The following BUD31 variants were observed in gnomAD, a reference collection of about 807,000 sequenced individuals.
BUD31 encodes BUD31 spliceosome associated protein.
BUD31 carries 9 observed loss-of-function variants against 17.9 expected under a neutral mutation model. That is an observed-to-expected ratio of 0.50 (90% confidence interval 0.30 to 0.88). BUD31 has a LOEUF of 0.88. Ranked by LOEUF, BUD31 falls within the 40% of genes least tolerant of loss-of-function variation. The pLI is 0.06. For missense variants in BUD31, 148 were observed against 184.5 expected (o/e 0.80, Z 1.15); for synonymous variants, 70 against 64.7 (o/e 1.08, Z -0.39).
intron 3 of BUD31, among the ~76,000 whole-genome samples, chr7:99,412,621 T>A (rs1223479971): frequency 1.3e-5 from 2 of 150,952 alleles, no homozygotes; most frequent in African/African-American, 4.9e-5. Flanking sequence ...TTTTCTTTTT[T>A]TTTTTTTTGA....
At chr7:99,411,314 C>A in intron 3 of BUD31, 128 bp downstream of exon 3, 1 of 654,278 alleles carries the variant, frequency 1.5e-6, no homozygotes, top group Non-Finnish European at 2.6e-6. Context: ...GTTGTGTTTG[C>A]TTATGAACTT....
chr7:99,410,369 C>G (rs1795128400), intron 2 of BUD31, among the ~76,000 whole-genome samples, 200 bp downstream of exon 2: 1 of 151,740 alleles, frequency 6.6e-6, no homozygotes, highest in South Asian at 2.1e-4. Flanking sequence ...CAGGCACCCA[C>G]CACCATGCTC....
chr7:99,416,087 C>A (rs756706880), intron 3 of BUD31, 51 bp from the exon 4 acceptor site: 4 of 1,599,042 alleles, frequency 2.5e-6, no homozygotes, highest in Non-Finnish European at 3.4e-6. Context: ...AAAAGAAAAT[C>A]CTGCGCAGAC....
At chr7:99,416,017 A>G (rs1795428362) in intron 3 of BUD31, 121 bp from the exon 4 acceptor site, 1 of 1,418,388 alleles carries the variant, frequency 7.1e-7, no homozygotes, top group Non-Finnish European at 9.4e-7. Flanking sequence ...GTGGCTTGCC[A>G]CCCACAGCCA....
At chr7:99,418,700 G>T (rs1004388) in intron 5 of BUD31, 2,060 of 152,566 alleles carry the variant, frequency 0.014, 22 homozygotes, top group Non-Finnish European at 0.019. Flanking sequence ...TGAGTGCCCA[G>T]ATTCCACAAG....
intron 5 of BUD31, chr7:99,418,302 G>A (rs1795621736): frequency 6.2e-6 from 1 of 162,462 alleles, no homozygotes; most frequent in African/African-American, 2.4e-5. Context: ...TCTGTTCCAA[G>A]TACCACTCCT....
chr7:99,413,572 T>G (rs766277107), intron 3 of BUD31, among the ~76,000 whole-genome samples: 55 of 152,030 alleles, frequency 3.6e-4, no homozygotes, highest in Non-Finnish European at 7.5e-4. Flanking sequence ...CCAAGGTTGG[T>G]TTTTTGGCTT....
chr7:99,409,970 TA>T (rs1795112723), intron 1 of BUD31, 63 bp from the exon 2 acceptor site: 7 of 152,184 alleles, frequency 4.6e-5, no homozygotes, highest in Admixed American at 4.6e-4. Flanking sequence ...TGACTTTATG[TA>T]ATATGTTGTT....
chr7:99,418,014 C>T, intron 5 of BUD31: 1 of 1,158,582 alleles, frequency 8.6e-7, no homozygotes, highest in Non-Finnish European at 1.1e-6. Context: ...GTCGCCCAGG[C>T]TGGAGTGCAG....
rs1309784029 is a variant in BUD31 at position 99,410,127 on chromosome 7, G to C, written c.-72G>C. 6.6e-6 allele frequency: 1 copy of C among 152,134 alleles called. No individual in the cohort carries two copies. The highest frequency in any genetic ancestry group is 1.5e-5 in the Non-Finnish European group (1 of 67,990). 9.4% of individuals were successfully genotyped at this position (152,134 alleles called of 1,614,324 possible). On this transcript the variant is annotated 5_prime_UTR_variant, in exon 2 of 6. Transcript: ENST00000222969. ...TCCAAGCCTGCAACTGCAGAGACGAGAGATCTTTCTGCTGTCTATACTCTT... is the reference window on the plus strand; with the variant it reads ...TCCAAGCCTGCAACTGCAGAGACGACAGATCTTTCTGCTGTCTATACTCTT...
rs777102229 is a variant in BUD31, at chr7:99,416,276, C to G, written c.217+16C>G. On this transcript the variant is annotated intron_variant, in intron 4 of 5. Coordinates refer to ENST00000222969, the MANE Select transcript of BUD31 (RefSeq NM_003910.4). Reference sequence around the variant, plus strand: ...ATCAGCAGAGGTAATTAGTCAGTCTCTCTTGGACTTTGAAGCTCGCGTCAC... The same window carrying G: ...ATCAGCAGAGGTAATTAGTCAGTCTGTCTTGGACTTTGAAGCTCGCGTCAC... The G allele has an allele frequency of 1.9e-6, 3 of 1,607,276 alleles. No homozygotes were observed. The African/African-American group carries it at 4.0e-5, about 21-fold the overall frequency.
chr7:99,412,681 C>T (rs1443160416), intron 3 of BUD31, among the ~76,000 whole-genome samples: 2 of 151,562 alleles, frequency 1.3e-5, no homozygotes, highest in African/African-American at 2.4e-5. Flanking sequence ...GCGCGATCTC[C>T]GCTCACTGCA....
chr7:99,411,012 A>C, intron 2 of BUD31, 52 bp from the exon 3 acceptor site: 1 of 1,210,226 alleles, frequency 8.3e-7, no homozygotes, highest in Non-Finnish European at 1.2e-6. Flanking sequence ...AATGGCTGGC[A>C]AAGGCCTTTG....
At chr7:99,416,368 C>T (rs1230407606) in intron 4 of BUD31, 108 bp downstream of exon 4, 1 of 1,427,512 alleles carries the variant, frequency 7.0e-7, no homozygotes, top group Non-Finnish European at 9.4e-7. Context: ...GTTTTTCTTA[C>T]CACGAAAATT....
chr7:99,417,806 C>T (rs1402190091), intron 5 of BUD31: 8 of 1,509,914 alleles, frequency 5.3e-6, no homozygotes, highest in Non-Finnish European at 6.2e-6. Context: ...GGGTCAATCT[C>T]AACTCCACTT....
intron 5 of BUD31, chr7:99,419,163 A>C: frequency 1.7e-6 from 1 of 574,390 alleles, no homozygotes; most frequent in Non-Finnish European, 3.1e-6. Flanking sequence ...GATTTGCAGA[A>C]CATATTATAA....
Position 99,417,567 on chromosome 7 carries a change from G to C in BUD31, c.356G>C (p.Cys119Ser). ...RDTNFGTNCI[C>S]RVPKSKLEVG... ...ACCAACTTCGGGACGAACTGCATCT[G>C]CCGCGTGCCCAAAAGCAAGCTGGAA... Residue 119 changes from cysteine (C) to serine (S), a missense_variant, in exon 5 of 6, where the codon TGC becomes TCC. Physicochemically the swap from Cys to Ser is moderately radical, Grantham distance 112. Transcript: ENST00000222969. The C allele has an allele frequency of 6.2e-7, 1 of 1,612,870 alleles. No homozygotes were observed. The highest frequency in any genetic ancestry group is 8.5e-7 in the Non-Finnish European group (1 of 1,179,662).
At chr7:99,411,396 T>C (rs1015167816) in intron 3 of BUD31, 48 of 512,208 alleles carry the variant, frequency 9.4e-5, no homozygotes, top group Non-Finnish European at 1.4e-4. Context: ...TGTTTTTTTT[T>C]GTTTTTGTTT....
rs769963413 is a variant in BUD31 at position 99,411,096 on chromosome 7, C to T, written c.4C>T (p.Pro2Ser). 1 of 1,613,804 alleles carries T rather than the reference C, an allele frequency of 6.2e-7. No homozygotes were observed. The highest frequency in any genetic ancestry group is 2.2e-5 in the East Asian group (1 of 44,872). The part of the protein sequence containing the change: M[P>S]KVKRSRKAPP... ...CAGATTATCCTGTGGAAGGAAAATG[C>T]CTAAAGTCAAAAGAAGCCGGAAAGC... is the stretch of plus-strand genomic sequence containing the variant. Residue 2 changes from proline to serine, a missense_variant, in exon 3 of 6, where the codon CCT becomes TCT. Transcript: ENST00000222969.
Sources: gnomAD v4.1 joint callset for allele counts (sites outside exome capture counted in the v4.1 genomes callset) on GRCh38, gnomAD v4.1.1 for gene constraint, MANE v1.5 for transcripts, NCBI Gene and HGNC (gene_info 2026-07-23, HGNC 2026-07-21) for gene names.